LAMA4: variants seen among roughly 807,000 people sequenced by gnomAD.
LAMA4 encodes laminin subunit alpha 4.
In LAMA4, 127 loss-of-function variants were observed where a neutral mutation model predicts 207.1. That is an observed-to-expected ratio of 0.61 (90% CI 0.53 to 0.71). The LOEUF is 0.71. Among genes scored for constraint, LAMA4 ranks in the 30% least tolerant of loss-of-function variants. The pLI, the probability that LAMA4 is intolerant of heterozygous loss-of-function variation, is 0.00. For missense variants in LAMA4, 2,093 were observed against 2,246.5 expected, an observed-to-expected ratio of 0.93 and a Z score of 1.38; for synonymous variants, 761 against 816.0, an observed-to-expected ratio of 0.93 and a Z score of 1.15.
At chr6:112,180,337 CTG>C (rs1554345005) in intron 9 of LAMA4, among the ~76,000 whole-genome samples, 1 of 152,126 alleles carries the variant, frequency 6.6e-6, no homozygotes, top group East Asian at 1.9e-4. Flanking sequence ...TATTGATATA[CTG>C]TATATATGAC....
chr6:112,157,263 C>A (rs1780773605), intron 14 of LAMA4, among the ~76,000 whole-genome samples: 1 of 152,056 alleles, frequency 6.6e-6, no homozygotes, highest in African/African-American at 2.4e-5. Context: ...ATTTTGCTGG[C>A]GAGAGTGGTA....
chr6:112,145,555 C>T (rs1206771841), intron 18 of LAMA4, among the ~76,000 whole-genome samples: 1 of 152,170 alleles, frequency 6.6e-6, no homozygotes, highest in African/African-American at 2.4e-5. Flanking sequence ...CGAGACAGAG[C>T]AGGCAGTGTG....
intron 3 of LAMA4, among the ~76,000 whole-genome samples, chr6:112,215,664 C>T (rs1784582941): frequency 6.6e-6 from 1 of 152,132 alleles, no homozygotes; most frequent in Non-Finnish European, 1.5e-5. Context: ...GTAAATATTT[C>T]AACACCCATT....
chr6:112,154,028 T>C (rs1183907234), intron 16 of LAMA4, among the ~76,000 whole-genome samples: 6 of 152,150 alleles, frequency 3.9e-5, no homozygotes, highest in African/African-American at 1.2e-4. Context: ...AGTTTCAAAC[T>C]TGGCCTTTGT....
chr6:112,154,656 ATT>A (rs11332305), intron 16 of LAMA4, 193 bp downstream of exon 16: 12 of 567,958 alleles, frequency 2.1e-5, no homozygotes, highest in Non-Finnish European at 2.5e-5. Context: ...ACTACATAGC[ATT>A]TTTTTTTTCA....
rs782171767 is a variant in LAMA4, at chr6:112,117,949, C to G, written c.4822-51G>C. 6.5e-6 allele frequency: 10 copies of G among 1,527,182 alleles called. No homozygotes were observed. In the South Asian group the frequency reaches 7.9e-5, roughly 12 times the overall value. The allele number at this position is 1,527,182 out of a possible 1,614,324, so 94.6% of individuals were successfully genotyped here. A position where few individuals can be genotyped will look rare whatever the true frequency, so the allele number is the denominator to read the frequency against. On this transcript the variant is annotated intron_variant, in intron 34 of 38. Coordinates refer to ENST00000230538, the MANE Select transcript of LAMA4 (RefSeq NM_001105206.3). The surrounding 1 kb of genome is among the most constrained non-coding windows in gnomAD (Gnocchi z 4.5). The stretch of plus-strand genomic sequence containing the variant: ...ATCAATTTTCTCAACACAAATGCAC[C>G]AAGGGGAAGCAAAATGAGGGGGTTT...
chr6:112,197,706 T>G (rs1583864918), intron 5 of LAMA4, among the ~76,000 whole-genome samples: 1 of 152,234 alleles, frequency 6.6e-6, no homozygotes, highest in Admixed American at 6.5e-5. Context: ...AGAGACTGCC[T>G]GTGTTCAGCA....
At chr6:112,179,187 G>C (rs1051004246) in intron 9 of LAMA4, 1 of 152,088 alleles carries the variant, frequency 6.6e-6, no homozygotes, top group Non-Finnish European at 1.5e-5. Flanking sequence ...CTGTTTCAGA[G>C]ATCTCACACA....
At chr6:112,239,284 C>T (rs1326815817) in intron 2 of LAMA4, among the ~76,000 whole-genome samples, 3 of 141,584 alleles carry the variant, frequency 2.1e-5, no homozygotes, top group Non-Finnish European at 4.5e-5. Context: ...TCATGTGCTA[C>T]TGCACTCCAG....
intron 2 of LAMA4, among the ~76,000 whole-genome samples, chr6:112,230,833 A>G (rs1785516608): frequency 6.6e-6 from 1 of 152,222 alleles, no homozygotes; most frequent in East Asian, 1.9e-4. Context: ...GTGTCTTGGC[A>G]TTACAGAAAC....
intron 21 of LAMA4, 55 bp from the exon 22 acceptor site, chr6:112,140,977 T>C: frequency 6.7e-7 from 1 of 1,500,522 alleles, no homozygotes; most frequent in East Asian, 2.3e-5. Context: ...AAAATACTTT[T>C]TAAATGTCAA....
chr6:112,151,537 A>G (rs1467032075), intron 16 of LAMA4, among the ~76,000 whole-genome samples: 1 of 152,106 alleles, frequency 6.6e-6, no homozygotes, highest in African/African-American at 2.4e-5. Context: ...ATTTATATAT[A>G]AATTCTTGTT....
intron 16 of LAMA4, among the ~76,000 whole-genome samples, chr6:112,154,448 C>T (rs188736505): frequency 7.9e-4 from 120 of 151,494 alleles, no homozygotes; most frequent in African/African-American, 2.8e-3. Context: ...CTCGTTCCTT[C>T]ATGGGAAACA....
chr6:112,150,766 T>C, intron 16 of LAMA4, 139 bp from the exon 17 acceptor site: 3 of 719,748 alleles, frequency 4.2e-6, no homozygotes, highest in Non-Finnish European at 7.6e-6. Context: ...TGAACATAGA[T>C]CAACAATTCT....
At chr6:112,167,580 A>G (rs1265844925) in intron 12 of LAMA4, among the ~76,000 whole-genome samples, 1 of 152,216 alleles carries the variant, frequency 6.6e-6, no homozygotes, top group Non-Finnish European at 1.5e-5. Flanking sequence ...ATGCAAAAGA[A>G]TGGTGAAAGT....
intron 12 of LAMA4, among the ~76,000 whole-genome samples, chr6:112,168,026 A>G (rs886653116): frequency 1.3e-5 from 2 of 151,920 alleles, no homozygotes; most frequent in African/African-American, 4.8e-5. Context: ...GTGAAACCCC[A>G]TCTCTACTAA....
chr6:112,112,072 T>A (rs587617969), intron 38 of LAMA4, among the ~76,000 whole-genome samples: 2 of 152,282 alleles, frequency 1.3e-5, no homozygotes, highest in East Asian at 3.9e-4. Context: ...TTGGATATAG[T>A]CATGTTCCCT....
At chr6:112,187,131 T>C (rs956300027) in intron 8 of LAMA4, among the ~76,000 whole-genome samples, 4 of 152,252 alleles carry the variant, frequency 2.6e-5, no homozygotes, top group African/African-American at 7.2e-5. Flanking sequence ...AAACAAGTAA[T>C]GTATGGCTGC....
chr6:112,248,165 A>C (rs1787138477), intron 2 of LAMA4, among the ~76,000 whole-genome samples: 1 of 152,182 alleles, frequency 6.6e-6, no homozygotes, highest in Admixed American at 6.5e-5. Flanking sequence ...TGGTTTTATA[A>C]CAATGTGAAT....
Sources: gnomAD v4.1 joint callset for allele counts (sites outside exome capture counted in the v4.1 genomes callset) on GRCh38, gnomAD v4.1.1 for gene constraint, Gnocchi (gnomAD v3.1) non-coding constraint, MANE v1.5 for transcripts, NCBI Gene and HGNC (gene_info 2026-07-23, HGNC 2026-07-21) for gene names.